CPXM2: variants seen among roughly 807,000 people sequenced by gnomAD.
CPXM2 encodes carboxypeptidase X, M14 family member 2.
Under a neutral mutation model 86.1 loss-of-function variants are expected in CPXM2, and 66 were observed. The observed-to-expected ratio is 0.77, with a 90% CI of 0.63 to 0.94. The LOEUF (loss-of-function observed/expected upper bound fraction) is 0.94, where lower values mean the gene tolerates loss of function less well. CPXM2 is among the 40% of genes least tolerant of loss of function. CPXM2 has a pLI of 0.00. For missense variants in CPXM2, 948 were observed against 1,026.3 expected, an observed-to-expected ratio of 0.92 and a Z score of 1.04; for synonymous variants, 388 against 400.2, an observed-to-expected ratio of 0.97 and a Z score of 0.36.
At chr10:123,807,195 T>C (rs1390995592) in intron 4 of CPXM2, among the ~76,000 whole-genome samples, 1 of 152,172 alleles carries the variant, frequency 6.6e-6, no homozygotes, top group East Asian at 1.9e-4. Context: ...ACTATTAAAG[T>C]TGAACTGGGA....
intron 13 of CPXM2, among the ~76,000 whole-genome samples, chr10:123,749,196 C>T (rs893577773): frequency 3.3e-5 from 5 of 151,846 alleles, no homozygotes; most frequent in African/African-American, 4.8e-5. Context: ...TATTGTGGGG[C>T]GCTGGACGTT....
intron 2 of CPXM2, among the ~76,000 whole-genome samples, chr10:123,911,916 T>G (rs980688406): frequency 2.0e-5 from 3 of 151,932 alleles, no homozygotes; most frequent in African/African-American, 7.3e-5. Flanking sequence ...CTGAGGGGCA[T>G]AAGGCAGAAG....
intron 3 of CPXM2, among the ~76,000 whole-genome samples, chr10:123,853,068 C>A (rs1450252636): frequency 1.3e-5 from 2 of 152,028 alleles, no homozygotes; most frequent in East Asian, 3.9e-4. Flanking sequence ...TGGATCTCCC[C>A]CTTAGAACTG....
intron 2 of CPXM2, among the ~76,000 whole-genome samples, chr10:123,874,380 CCACA>C (rs145634125): frequency 2.0e-5 from 3 of 150,758 alleles, no homozygotes; most frequent in Non-Finnish European, 4.4e-5. Flanking sequence ...CCCGCCCCAA[CCACA>C]CACACACACA....
intron 2 of CPXM2, among the ~76,000 whole-genome samples, chr10:123,916,778 C>CT (rs71474791): frequency 0.027 from 3,976 of 146,190 alleles, 80 homozygotes; most frequent in East Asian, 0.11. Context: ...CTCTCTCTCT[C>CT]TTTTTTTTTT....
chr10:123,933,605 C>A (rs1231754030), intron 2 of CPXM2, among the ~76,000 whole-genome samples: 21 of 152,106 alleles, frequency 1.4e-4, no homozygotes, highest in African/African-American at 4.8e-4. Context: ...GTAATCCCAG[C>A]TACTTGGGAG....
At chr10:123,857,642 CGGCGTGGAGAT>C (rs1848761316) in intron 3 of CPXM2, among the ~76,000 whole-genome samples, 12 of 88,268 alleles carry the variant, frequency 1.4e-4, no homozygotes, top group South Asian at 4.2e-4. Context: ...AGATGGAAGG[CGGCGTGGAGAT>C]GGAAGGCGGC....
rs72843040 is a variant in CPXM2, at chr10:123,830,159, T to C, written c.653+12190A>G. ...TAAGAAACTGATGATATTAACCATA[T>C]AGAAATTCAAAATTTTTGCACAGCA... On this transcript the variant is annotated intron_variant, in intron 4 of 13. Coordinates refer to ENST00000241305, the MANE Select transcript of CPXM2 (RefSeq NM_198148.3). 8.9e-3 allele frequency among the ~76,000 whole-genome samples: 1,359 copies of C among 152,288 alleles called. 12 individuals are homozygous for C. Among genetic ancestry groups the C allele is most frequent in the Middle Eastern group, 0.048 (14 of 294 alleles).
intron 4 of CPXM2, among the ~76,000 whole-genome samples, chr10:123,826,998 A>G (rs1329847164): frequency 6.6e-6 from 1 of 152,226 alleles, no homozygotes; most frequent in Non-Finnish European, 1.5e-5. Context: ...AGGAAACTAA[A>G]TATCATAATT....
chr10:123,811,114 A>C (rs1469525694), intron 4 of CPXM2, among the ~76,000 whole-genome samples: 1 of 149,866 alleles, frequency 6.7e-6, no homozygotes, highest in South Asian at 2.1e-4. Context: ...CCTATACCTA[A>C]CATTTTTCAC....
At chr10:123,820,578 T>A (rs1847904287) in intron 4 of CPXM2, among the ~76,000 whole-genome samples, 1 of 152,200 alleles carries the variant, frequency 6.6e-6, no homozygotes, top group African/African-American at 2.4e-5. Flanking sequence ...TAAAACAACA[T>A]AAATACCTTC....
At chr10:123,867,725 G>C (rs1944819528) in intron 2 of CPXM2, among the ~76,000 whole-genome samples, 1 of 152,032 alleles carries the variant, frequency 6.6e-6, no homozygotes, top group African/African-American at 2.4e-5. Flanking sequence ...TAGAGACAGA[G>C]TTTCACGATG....
chr10:123,776,534 T>C (rs1156280714), intron 7 of CPXM2: 3 of 152,250 alleles, frequency 2.0e-5, no homozygotes, highest in Admixed American at 6.5e-5. Context: ...TCATACTTTG[T>C]CAGTATTCAT....
intron 2 of CPXM2, among the ~76,000 whole-genome samples, chr10:123,901,913 G>C (rs981367727): frequency 6.6e-6 from 1 of 152,212 alleles, no homozygotes; most frequent in Non-Finnish European, 1.5e-5. Flanking sequence ...TCGGAGGTAA[G>C]CGGGGCTGAA....
chr10:123,943,766 A>G (rs1172353580), upstream of CPXM2, among the ~76,000 whole-genome samples: 1 of 152,196 alleles, frequency 6.6e-6, no homozygotes, highest in African/African-American at 2.4e-5. Context: ...GTCTGGCGCA[A>G]TGAAGCCACC....
chr10:123,798,045 T>G lies in CPXM2; in HGVS notation c.820A>C (p.Asn274His), dbSNP rs2134067029. 2 of 1,612,016 alleles carry G rather than the reference T, an allele frequency of 1.2e-6. No individual in the cohort carries two copies. The highest frequency in any genetic ancestry group is 4.5e-5 in the East Asian group (2 of 44,698). The change falls in exon 6 of 14, where the codon AAC becomes CAC. Residue 274 changes from asparagine (N) to histidine (H), a missense_variant. Transcript: ENST00000241305. Reference sequence around the variant, plus strand: ...CCATTATCAAACCAGGACTGAGGGTTTATGCGGATGTAGCGGGCCACCATG... The same window carrying G: ...CCATTATCAAACCAGGACTGAGGGTGTATGCGGATGTAGCGGGCCACCATG... The part of the protein sequence containing the change: ...VPMVARYIRI[N>H]PQSWFDNGSI...
chr10:123,834,464 G>A (rs1407323307), intron 4 of CPXM2, among the ~76,000 whole-genome samples: 1 of 152,224 alleles, frequency 6.6e-6, no homozygotes, highest in Non-Finnish European at 1.5e-5. Flanking sequence ...ACTGAGGCTG[G>A]GTTTTAAAAG....
intron 9 of CPXM2, 174 bp downstream of exon 9, chr10:123,768,352 C>A: frequency 3.1e-6 from 1 of 327,600 alleles, no homozygotes; most frequent in Non-Finnish European, 5.2e-6. Flanking sequence ...CCAGCCTGGG[C>A]AACAGAGGGA....
chr10:123,905,194 G>C (rs1246041795), intron 2 of CPXM2, among the ~76,000 whole-genome samples: 2 of 152,220 alleles, frequency 1.3e-5, no homozygotes, highest in African/African-American at 4.8e-5. Context: ...CAAGGAAAAA[G>C]AGGAAATGAA....
Sources: gnomAD v4.1 joint callset for allele counts (sites outside exome capture counted in the v4.1 genomes callset) on GRCh38, gnomAD v4.1.1 for gene constraint, MANE v1.5 for transcripts, NCBI Gene and HGNC (gene_info 2026-07-23, HGNC 2026-07-21) for gene names.